Variants in SSX7 observed in about 807,000 individuals in gnomAD.
SSX7 encodes the protein SSX family member 7.
SSX7 carries 15 observed loss-of-function variants against 14.7 expected under a neutral mutation model. The observed-to-expected ratio is 1.02, with a 90% CI of 0.68 to 1.58. The LOEUF is 1.58. Among genes scored for constraint, SSX7 ranks in the 40% most tolerant of loss-of-function variants. The pLI is 0.00. For synonymous variants in SSX7, 46 were observed against 50.6 expected, an observed-to-expected ratio of 0.91 and a Z score of 0.38; for missense variants, 178 against 146.8, an observed-to-expected ratio of 1.21 and a Z score of -1.10.
intron 4 of SSX7, among the ~76,000 whole-genome samples, chrX:52,650,617 G>T (rs1465250727): frequency 8.9e-6 from 1 of 111,738 alleles, no homozygotes; most frequent in African/African-American, 3.3e-5. Context: ...TTATCAAATG[G>T]GGACTAAACC....
chrX:52,653,456 G>T lies in SSX7; in HGVS notation c.17C>A (p.Ala6Asp), dbSNP rs1468594005. 3.3e-6 allele frequency: 4 copies of T among 1,211,429 alleles called. No individual in the cohort carries two copies. In the African/African-American group the frequency reaches 6.9e-5, roughly 21 times the overall value. The change falls in exon 2 of 8, where the codon GCC (alanine) becomes GAC (aspartate). Residue 6 changes from alanine to aspartate, a missense_variant. Coordinates refer to ENST00000298181, the MANE Select transcript of SSX7 (RefSeq NM_173358.2). ...ACCAGCCCTAGGTCTCCTTGCAAAG[G>T]CGTCGTCTCCGTTCATGGCACCAGG... MNGDD[A>D]FARRPRAGAQ...
intron 5 of SSX7, among the ~76,000 whole-genome samples, chrX:52,649,568 G>T (rs1196094966): frequency 8.9e-6 from 1 of 111,788 alleles, no homozygotes; most frequent in African/African-American, 3.2e-5. Context: ...TCATTCAGGG[G>T]CCTCCGAGGG....
chrX:52,649,734 C>T (rs782604564), intron 5 of SSX7, among the ~76,000 whole-genome samples: 4 of 112,023 alleles, frequency 3.6e-5, no homozygotes, highest in Non-Finnish European at 5.6e-5. Context: ...TTTCCTATTG[C>T]GAGAATGGGT....
At chrX:52,650,260 G>T in intron 5 of SSX7, 93 bp downstream of exon 5, 1 of 1,085,289 alleles carries the variant, frequency 9.2e-7, no homozygotes, top group Admixed American at 2.3e-5. Context: ...AGGAGGCAGT[G>T]AGGGCATTTT....
At chrX:52,650,508 CATT>C (rs1556766904) in intron 4 of SSX7, 106 bp from the exon 5 acceptor site, 2 of 893,363 alleles carry the variant, frequency 2.2e-6, no homozygotes, top group African/African-American at 3.9e-5. Context: ...TGAGTCCACT[CATT>C]GTTGAGGAGT....
chrX:52,648,488 A>G, intron 5 of SSX7, 92 bp from the exon 6 acceptor site: 1 of 1,128,773 alleles, frequency 8.9e-7, no homozygotes, highest in Non-Finnish European at 1.2e-6. Flanking sequence ...CATTACCTTA[A>G]TCAATGTTCT....
At position 52,645,511 on chromosome X, in the gene SSX7, T is replaced by C. The variant is rs782780877; in HGVS notation, c.499A>G (p.Arg167Gly). ...PKRGKHAWTH[R>G]LRERKQLVIY... is the part of the protein sequence containing the mutation. ...ACCAGCTGCTTTCTCTCACGCAGTC[T>C]GTGGGTCCAGGCATGTTTCCCCCTT... Residue 167 changes from arginine to glycine, a missense_variant, in exon 7 of 8, where the codon AGA (arginine) becomes GGA (glycine). By Grantham distance (125) the Arg-to-Gly change is moderately radical. Coordinates refer to ENST00000298181, the MANE Select transcript of SSX7 (RefSeq NM_173358.2). 8.3e-7 allele frequency: 1 copy of C among 1,201,178 alleles called. No individual in the cohort carries two copies. Among genetic ancestry groups the C allele is most frequent in the African/African-American group, 1.8e-5 (1 of 55,841 alleles).
chrX:52,650,338 C>G lies in SSX7; in HGVS notation c.330+15G>C. 8.3e-7 allele frequency: 1 copy of G among 1,207,867 alleles called. No homozygotes were observed. Among genetic ancestry groups the G allele is most frequent in the Non-Finnish European group, 1.1e-6 (1 of 892,493 alleles). On this transcript the variant is annotated intron_variant, in intron 5 of 7. Coordinates refer to ENST00000298181, the MANE Select transcript of SSX7 (RefSeq NM_173358.2). ...ACAAAGGTTCTCTGGTCCTTTAGAT[C>G]TGAGAGACACTCACCTTCGGGAAGA...
At chrX:52,650,293 G>C in intron 5 of SSX7, 60 bp downstream of exon 5, 1 of 1,170,623 alleles carries the variant, frequency 8.5e-7, no homozygotes, top group Non-Finnish European at 1.2e-6. Context: ...ACTCTTACCA[G>C]TGTTTGCATC....
chrX:52,650,222 A>C, intron 5 of SSX7, 131 bp downstream of exon 5: 2 of 823,994 alleles, frequency 2.4e-6, no homozygotes, highest in Admixed American at 2.5e-5. Context: ...TTGGTGCTAC[A>C]TCAGGTGTTG....
chrX:52,653,050 G>A (rs1925493035), intron 2 of SSX7, 66 bp from the exon 3 acceptor site: 10 of 1,182,054 alleles, frequency 8.5e-6, no homozygotes, highest in Non-Finnish European at 1.0e-5. Flanking sequence ...TTCAGCTGGA[G>A]CCCCTTCCTG....
chrX:52,653,646 G>A (rs782567603), intron 1 of SSX7, among the ~76,000 whole-genome samples, 154 bp from the exon 2 acceptor site: 115 of 110,421 alleles, frequency 1.0e-3, no homozygotes, highest in African/African-American at 3.2e-3. Flanking sequence ...GACATGGGGC[G>A]AAGTCAGATG....
chrX:52,653,029 C>T lies in SSX7; in HGVS notation c.70-45G>A, dbSNP rs1556767250. ...GAATTTTGTCAGTGACTCAGCTAGACATGTCTGCCATTCAGCTGGAGCCCC... is the reference window on the plus strand; with the variant it reads ...GAATTTTGTCAGTGACTCAGCTAGATATGTCTGCCATTCAGCTGGAGCCCC... On this transcript the variant is annotated intron_variant, in intron 2 of 7. Coordinates refer to ENST00000298181, the MANE Select transcript of SSX7 (RefSeq NM_173358.2). The T allele has an allele frequency of 4.2e-6, 5 of 1,187,288 alleles. No individual in the cohort carries two copies. In the Admixed American group the frequency reaches 8.9e-5, roughly 21 times the overall value.
intron 1 of SSX7, among the ~76,000 whole-genome samples, chrX:52,654,325 G>A (rs1164393429): frequency 3.7e-5 from 4 of 107,463 alleles, no homozygotes; most frequent in South Asian, 4.2e-4. Context: ...AGGCCTACGC[G>A]AGAGGATCAC....
At chrX:52,652,426 C>G (rs1416265669) in intron 3 of SSX7, 79 bp from the exon 4 acceptor site, 1 of 730,617 alleles carries the variant, frequency 1.4e-6, no homozygotes, top group African/African-American at 2.1e-5. Flanking sequence ...AGTACCAGTG[C>G]TTTGGGAGGC....
chrX:52,652,837 C>G, intron 3 of SSX7, 33 bp downstream of exon 3: 1 of 1,125,489 alleles, frequency 8.9e-7, no homozygotes, highest in Non-Finnish European at 1.2e-6. Flanking sequence ...TCATGTGTCC[C>G]CAGACTTGTC....
At chrX:52,652,399 C>T (rs781820045) in intron 3 of SSX7, 52 bp from the exon 4 acceptor site, 19 of 941,088 alleles carry the variant, frequency 2.0e-5, no homozygotes, top group Middle Eastern at 2.6e-4. Flanking sequence ...TGACCTGTCA[C>T]GGTGGCTCAT....
At chrX:52,649,180 G>A (rs782328258) in intron 5 of SSX7, among the ~76,000 whole-genome samples, 12 of 111,195 alleles carry the variant, frequency 1.1e-4, no homozygotes, top group East Asian at 2.8e-4. Flanking sequence ...GCAGGCAGGC[G>A]CTACCACGCC....
chrX:52,654,020 T>A (rs1386662977), intron 1 of SSX7, among the ~76,000 whole-genome samples: 3 of 110,799 alleles, frequency 2.7e-5, no homozygotes, highest in Admixed American at 1.9e-4. Flanking sequence ...TATTACTGGG[T>A]GATTTGTAAA....
Sources: allele counts gnomAD v4.1 joint callset (sites outside exome capture counted in the v4.1 genomes callset), GRCh38; gene constraint gnomAD v4.1.1; transcripts MANE v1.5; gene names NCBI Gene and HGNC (gene_info 2026-07-23, HGNC 2026-07-21).